EVL: variants seen among roughly 807,000 people sequenced by gnomAD.
The protein encoded by EVL is ena/VASP-like protein.
Under a neutral mutation model 59.6 loss-of-function variants are expected in EVL, and 21 were observed. The ratio of observed to expected loss-of-function variants is 0.35; its 90% CI spans 0.25 to 0.51. The LOEUF (loss-of-function observed/expected upper bound fraction) is 0.51, where lower values mean the gene tolerates loss of function less well. Among genes scored for constraint, EVL ranks in the 20% least tolerant of loss-of-function variants. The pLI is 0.97. For missense variants in EVL, 462 were observed against 546.6 expected (o/e 0.85, Z 1.54); for synonymous variants, 198 against 203.5 (o/e 0.97, Z 0.23).
intron 1 of EVL, among the ~76,000 whole-genome samples, chr14:99,984,556 C>T (rs1173736711): frequency 6.6e-6 from 1 of 152,154 alleles, no homozygotes; most frequent in African/African-American, 2.4e-5. Context: ...CTCCTGCACA[C>T]ATATAGTTTC....
At chr14:100,061,317 A>G (rs1046195946), upstream of EVL, among the ~76,000 whole-genome samples, 112 of 142,788 alleles carry the variant, frequency 7.8e-4, no homozygotes, top group African/African-American at 2.8e-3. Context: ...CAGAAGGCTG[A>G]GGCAGGAGGA....
intron 1 of EVL, among the ~76,000 whole-genome samples, chr14:100,005,488 A>G (rs902998174): frequency 2.0e-5 from 3 of 152,136 alleles, no homozygotes; most frequent in Non-Finnish European, 2.9e-5. Context: ...CTGGTCCCTC[A>G]TGCATCAGAG....
intron 1 of EVL, among the ~76,000 whole-genome samples, chr14:100,014,270 A>C (rs2061036104): frequency 6.6e-6 from 1 of 152,080 alleles, no homozygotes; most frequent in South Asian, 2.1e-4. Context: ...CGATTGTTTC[A>C]ATTTTTAGCC....
intron 1 of EVL, among the ~76,000 whole-genome samples, chr14:100,021,026 G>C (rs984657971): frequency 6.6e-6 from 1 of 152,216 alleles, no homozygotes; most frequent in African/African-American, 2.4e-5. Flanking sequence ...TAGGCCCCTG[G>C]GTTCTAATGT....
chr14:100,081,870 C>T (rs779535746), intron 1 of EVL, among the ~76,000 whole-genome samples: 3 of 152,304 alleles, frequency 2.0e-5, no homozygotes, highest in East Asian at 3.9e-4. Context: ...GAGTCCAAGG[C>T]GGGCAGATTG....
chr14:99,990,528 A>C (rs1415507534), intron 1 of EVL, among the ~76,000 whole-genome samples: 1 of 151,956 alleles, frequency 6.6e-6, no homozygotes, highest in Non-Finnish European at 1.5e-5. Context: ...CTTGGCACCT[A>C]CCTTTCTTCT....
At chr14:99,979,562 A>T (rs1036006041) in intron 1 of EVL, among the ~76,000 whole-genome samples, 6 of 151,654 alleles carry the variant, frequency 4.0e-5, no homozygotes, top group African/African-American at 1.2e-4. Flanking sequence ...GGATGGAAAT[A>T]TTTTTTTTAA....
chr14:100,101,870 G>A (rs868084218), intron 3 of EVL, among the ~76,000 whole-genome samples: 2 of 152,172 alleles, frequency 1.3e-5, no homozygotes, highest in East Asian at 1.9e-4. Flanking sequence ...ATGGAGTCTC[G>A]CTCTGTCACT....
intron 1 of EVL, among the ~76,000 whole-genome samples, chr14:100,047,816 C>G (rs968895871): frequency 3.3e-5 from 5 of 152,062 alleles, no homozygotes; most frequent in Non-Finnish European, 5.9e-5. Flanking sequence ...GAAATAGGTC[C>G]CGACAAAAAT....
chr14:100,097,537 C>G lies in EVL; in HGVS notation c.237C>G (p.Thr79=), dbSNP rs1277044887. Residue 79 remains threonine, a synonymous_variant, in exon 3 of 14, where the codon ACC becomes ACG. Coordinates refer to ENST00000392920, the MANE Select transcript of EVL (RefSeq NM_016337.3). ...TGAAGTACAATCAGGCCACGCCAAC[C>G]TTCCACCAGTGGCGAGATGCCCGCC... ...KGLKYNQATP[T]FHQWRDARQV... is the part of the protein sequence containing the mutation. 6.2e-7 allele frequency: 1 copy of G among 1,614,192 alleles called. No homozygotes were observed. Among genetic ancestry groups the G allele is most frequent in the Admixed American group, 1.7e-5 (1 of 60,022 alleles).
chr14:100,067,548 C>G (rs559957779), intron 1 of EVL, among the ~76,000 whole-genome samples: 85 of 152,302 alleles, frequency 5.6e-4, no homozygotes, highest in African/African-American at 1.9e-3. Flanking sequence ...CCTCAAACTC[C>G]CGGGCTCGAG....
chr14:100,058,870 T>G (rs935793047), intron 1 of EVL, among the ~76,000 whole-genome samples: 3 of 152,238 alleles, frequency 2.0e-5, no homozygotes, highest in Non-Finnish European at 2.9e-5. Context: ...CTATTTTATC[T>G]ACGTACGTGT....
chr14:99,995,990 T>A (rs2060910614), intron 1 of EVL, among the ~76,000 whole-genome samples: 1 of 152,108 alleles, frequency 6.6e-6, no homozygotes, highest in Admixed American at 6.6e-5. Flanking sequence ...GTTGCAGTGA[T>A]CTTTGTTTTC....
chr14:100,096,552 C>T (rs1885825204), intron 2 of EVL, among the ~76,000 whole-genome samples: 1 of 152,150 alleles, frequency 6.6e-6, no homozygotes, highest in African/African-American at 2.4e-5. Flanking sequence ...ATTTGACAGA[C>T]CAGAAAACCG....
intron 1 of EVL, among the ~76,000 whole-genome samples, chr14:100,068,869 T>TCCA (rs1432880977): frequency 6.6e-6 from 1 of 152,142 alleles, no homozygotes; most frequent in East Asian, 1.9e-4. Flanking sequence ...GAGGTCGCGG[T>TCCA]GCAGCAGCAG....
chr14:100,002,730 CATG>C (rs1349896741), intron 1 of EVL, among the ~76,000 whole-genome samples: 2 of 152,182 alleles, frequency 1.3e-5, no homozygotes, highest in African/African-American at 4.8e-5. Flanking sequence ...GTTTAAAACA[CATG>C]ATATCACAAA....
chr14:100,034,783 C>T (rs2061364985), intron 1 of EVL, among the ~76,000 whole-genome samples: 1 of 151,980 alleles, frequency 6.6e-6, no homozygotes, highest in Non-Finnish European at 1.5e-5. Context: ...GATTAGAAGT[C>T]CCATTTGGAT....
At chr14:100,072,433 C>A (rs2062067856) in intron 1 of EVL, among the ~76,000 whole-genome samples, 1 of 152,188 alleles carries the variant, frequency 6.6e-6, no homozygotes, top group Admixed American at 6.5e-5. Flanking sequence ...TGGGGTTTCA[C>A]TATGTTGGCC....
At chr14:100,054,335 G>GA (rs1394977583) in intron 1 of EVL, among the ~76,000 whole-genome samples, 1 of 152,166 alleles carries the variant, frequency 6.6e-6, no homozygotes, top group Non-Finnish European at 1.5e-5. Context: ...ATACAGGCGT[G>GA]AGCCAGCGTG....
Sources: allele counts gnomAD v4.1 joint callset (sites outside exome capture counted in the v4.1 genomes callset), GRCh38; gene constraint gnomAD v4.1.1; transcripts MANE v1.5; gene names NCBI Gene and HGNC (gene_info 2026-07-23, HGNC 2026-07-21).